PPARG: variants seen among roughly 807,000 people sequenced by gnomAD.
The protein encoded by PPARG is peroxisome proliferator activated receptor gamma.
A neutral mutation model predicts 39.2 loss-of-function variants in PPARG; 17 were observed. The ratio of observed to expected loss-of-function variants is 0.43; its 90% CI spans 0.30 to 0.65. The LOEUF (loss-of-function observed/expected upper bound fraction) is 0.65, where lower values mean the gene tolerates loss of function less well. PPARG is among the 30% of genes least tolerant of loss of function. The pLI is 0.13. For synonymous variants in PPARG, 223 were observed against 215.7 expected, an observed-to-expected ratio of 1.03 and a Z score of -0.30; for missense variants, 406 against 585.9, an observed-to-expected ratio of 0.69 and a Z score of 3.17.
chr3:12,346,046 A>G, intron 2 of PPARG, among the ~76,000 whole-genome samples: 1 of 152,246 alleles, frequency 6.6e-6, no homozygotes, highest in Admixed American at 6.5e-5. Flanking sequence ...CGACAAGTTA[A>G]CATAGTTTAG....
chr3:12,432,340 T>TATTAATGTA (rs556410181), intron 7 of PPARG, among the ~76,000 whole-genome samples: 344 of 152,364 alleles, frequency 2.3e-3, no homozygotes, highest in Middle Eastern at 0.02. Context: ...TAAGGAACTC[T>TATTAATGTA]ATTAATGTAA....
chr3:12,381,577 A>G (rs1275717293), intron 4 of PPARG, 86 bp downstream of exon 4: 3 of 1,409,862 alleles, frequency 2.1e-6, no homozygotes, highest in East Asian at 4.8e-5. Context: ...GATACAATAT[A>G]TGAATTTTTT....
At chr3:12,288,523 TG>T (rs2046566822), upstream of PPARG, among the ~76,000 whole-genome samples, 1 of 151,790 alleles carries the variant, frequency 6.6e-6, no homozygotes, top group South Asian at 2.1e-4. Flanking sequence ...GGGGGAACTT[TG>T]GAGCAGGGTG....
At chr3:12,327,269 A>G (rs748549247) in intron 2 of PPARG, among the ~76,000 whole-genome samples, 6 of 152,126 alleles carry the variant, frequency 3.9e-5, no homozygotes, top group Non-Finnish European at 5.9e-5. Flanking sequence ...TCCGGTTCCA[A>G]TCTTCTGGAC....
chr3:12,351,575 C>T (rs370961244), intron 2 of PPARG: 10 of 1,563,438 alleles, frequency 6.4e-6, no homozygotes, highest in Non-Finnish European at 7.9e-6. Flanking sequence ...TTACAGCAAA[C>T]CCCTATTCCA....
At chr3:12,318,930 TA>T (rs2047464583) in intron 2 of PPARG, among the ~76,000 whole-genome samples, 1 of 152,152 alleles carries the variant, frequency 6.6e-6, no homozygotes, top group Non-Finnish European at 1.5e-5. Context: ...TAATTTAAAT[TA>T]TTAAAAGTTA....
chr3:12,369,485 T>A (rs1341238617), intron 2 of PPARG, among the ~76,000 whole-genome samples: 1 of 152,148 alleles, frequency 6.6e-6, no homozygotes, highest in Non-Finnish European at 1.5e-5. Context: ...GAGAGAGACC[T>A]TGTCTCAAAA....
chr3:12,341,127 G>C (rs1420158761), intron 2 of PPARG, among the ~76,000 whole-genome samples: 1 of 151,676 alleles, frequency 6.6e-6, no homozygotes, highest in African/African-American at 2.4e-5. Flanking sequence ...AGGTTGCAGT[G>C]AGCTGAGATC....
intron 7 of PPARG, 107 bp from the exon 8 acceptor site, chr3:12,433,791 A>G (rs900415004): frequency 1.9e-6 from 3 of 1,539,822 alleles, no homozygotes; most frequent in Admixed American, 3.3e-5. Flanking sequence ...AAAACAAACC[A>G]AAAATACAGA....
intron 6 of PPARG, among the ~76,000 whole-genome samples, chr3:12,412,961 T>A (rs2125274608): frequency 6.6e-6 from 1 of 152,242 alleles, no homozygotes; most frequent in Admixed American, 6.5e-5. Flanking sequence ...AGACAAAATT[T>A]GAGAATGATA....
intron 6 of PPARG, among the ~76,000 whole-genome samples, chr3:12,411,231 G>A (rs1390991979): frequency 6.6e-6 from 1 of 152,098 alleles, no homozygotes; most frequent in Non-Finnish European, 1.5e-5. Context: ...GACTCAGTTG[G>A]CCAATACCCT....
At chr3:12,354,768 A>G (rs1311791878) in intron 2 of PPARG, among the ~76,000 whole-genome samples, 6 of 151,770 alleles carry the variant, frequency 4.0e-5, no homozygotes, top group South Asian at 2.1e-4. Flanking sequence ...AAAAAAAAAA[A>G]AAAGAAAAGA....
upstream of PPARG, chr3:12,287,926 A>G (rs2046548612): frequency 7.0e-6 from 1 of 142,640 alleles, no homozygotes; most frequent in Admixed American, 6.8e-5. Flanking sequence ...GGCCCAGCGC[A>G]CTCGGAGCCC....
chr3:12,412,817 T>C (rs1054576096), intron 6 of PPARG, among the ~76,000 whole-genome samples: 2 of 152,348 alleles, frequency 1.3e-5, no homozygotes, highest in Middle Eastern at 3.4e-3. Flanking sequence ...CCACAAAACC[T>C]GAATTCACCC....
chr3:12,381,095 A>T (rs190363928), intron 3 of PPARG, among the ~76,000 whole-genome samples: 2 of 152,222 alleles, frequency 1.3e-5, no homozygotes, highest in African/African-American at 4.8e-5. Flanking sequence ...CTTAATTCTC[A>T]TTCCCATTTT....
chr3:12,288,285 T>G (rs1367584052), upstream of PPARG, among the ~76,000 whole-genome samples: 1 of 151,572 alleles, frequency 6.6e-6, no homozygotes, highest in African/African-American at 2.4e-5. Flanking sequence ...TGAAGGGGTC[T>G]TGGGCTGAGG....
At chr3:12,408,385 C>T (rs1425027336) in intron 6 of PPARG, among the ~76,000 whole-genome samples, 2 of 152,030 alleles carry the variant, frequency 1.3e-5, no homozygotes, top group East Asian at 1.9e-4. Context: ...AAAGCTCATT[C>T]GTTCAATGAT....
At chr3:12,296,755 C>T (rs73023314) in intron 1 of PPARG, among the ~76,000 whole-genome samples, 20 of 152,012 alleles carry the variant, frequency 1.3e-4, no homozygotes, top group Admixed American at 1.2e-3. Context: ...CTAGTCTCCG[C>T]GTCAAAGACT....
chr3:12,301,699 TC>T (rs1173390341), intron 1 of PPARG: 1 of 152,126 alleles, frequency 6.6e-6, no homozygotes, highest in Non-Finnish European at 1.5e-5. Flanking sequence ...GCAAGGAACT[TC>T]CATGCTCTCC....
Sources: allele counts gnomAD v4.1 joint callset (sites outside exome capture counted in the v4.1 genomes callset), GRCh38; gene constraint gnomAD v4.1.1; transcripts MANE v1.5; gene names NCBI Gene and HGNC (gene_info 2026-07-23, HGNC 2026-07-21).